CACHD1: variants seen among roughly 807,000 people sequenced by gnomAD.
CACHD1 encodes the protein VWFA and cache domain-containing protein 1.
A neutral mutation model predicts 138.7 loss-of-function variants in CACHD1; 71 were observed. The observed-to-expected ratio is 0.51, with a 90% CI of 0.42 to 0.62. The LOEUF (loss-of-function observed/expected upper bound fraction) is 0.62, where lower values mean the gene tolerates loss of function less well. Among genes scored for constraint, CACHD1 ranks in the 20% least tolerant of loss-of-function variants. The pLI is 0.00. For synonymous variants in CACHD1, 578 were observed against 591.5 expected, an observed-to-expected ratio of 0.98 and a Z score of 0.33; for missense variants, 1,389 against 1,625.3, an observed-to-expected ratio of 0.85 and a Z score of 2.50.
At chr1:64,498,325 A>T (rs192827841) in intron 1 of CACHD1, among the ~76,000 whole-genome samples, 81 of 152,256 alleles carry the variant, frequency 5.3e-4, no homozygotes, top group African/African-American at 1.9e-3. Context: ...TATTAGAACT[A>T]CTTATTCTCT....
chr1:64,652,290 C>T lies in CACHD1; in HGVS notation c.1520C>T (p.Thr507Ile). 6.2e-7 allele frequency: 1 copy of T among 1,609,160 alleles called. No individual in the cohort carries two copies. The highest frequency in any genetic ancestry group is 8.5e-7 in the Non-Finnish European group (1 of 1,178,634). The stretch of plus-strand genomic sequence containing the variant: ...TACCAAGACTCTTTGGCTTCCTATA[C>T]TTTTCTCATAGACGACAAAGGTAAT... Reference protein sequence around the residue: ...TYYQDSLASYTFLIDDKGYTL... With the variant: ...TYYQDSLASYIFLIDDKGYTL... Residue 507 changes from threonine (T) to isoleucine (I), a missense_variant, in exon 10 of 27, where the codon ACT becomes ATT. Transcript: ENST00000651257.
chr1:64,503,050 G>A (rs886097345), intron 1 of CACHD1, among the ~76,000 whole-genome samples: 11 of 152,074 alleles, frequency 7.2e-5, no homozygotes, highest in African/African-American at 7.2e-5. Flanking sequence ...TGATAGAGCC[G>A]AACTTTTTTT....
intron 4 of CACHD1, among the ~76,000 whole-genome samples, chr1:64,609,858 G>GT (rs1647466577): frequency 6.6e-6 from 1 of 152,016 alleles, no homozygotes; most frequent in Admixed American, 6.5e-5. Context: ...TAGACATATT[G>GT]TATTAGTCCA....
chr1:64,679,362 C>T (rs2100733463), intron 23 of CACHD1, among the ~76,000 whole-genome samples: 1 of 152,350 alleles, frequency 6.6e-6, no homozygotes, highest in African/African-American at 2.4e-5. Flanking sequence ...GCAGTCCTTG[C>T]CATTTGTGCT....
chr1:64,577,613 G>C (rs1646978615), intron 2 of CACHD1, among the ~76,000 whole-genome samples: 1 of 152,180 alleles, frequency 6.6e-6, no homozygotes, highest in African/African-American at 2.4e-5. Flanking sequence ...CTGGAAAATG[G>C]AAGTGTGCAC....
intron 1 of CACHD1, among the ~76,000 whole-genome samples, chr1:64,523,929 C>G (rs1557474914): frequency 6.6e-6 from 1 of 151,344 alleles, no homozygotes; most frequent in African/African-American, 2.4e-5. Context: ...GTAGATGAGT[C>G]TTTATTTATC....
chr1:64,500,874 C>T (rs1409614698), intron 1 of CACHD1, among the ~76,000 whole-genome samples: 1 of 151,600 alleles, frequency 6.6e-6, no homozygotes, highest in African/African-American at 2.4e-5. Flanking sequence ...ATGGTGAAAC[C>T]CCGTCTCTAC....
At chr1:64,515,060 A>G (rs305568) in intron 1 of CACHD1, among the ~76,000 whole-genome samples, 11,940 of 152,216 alleles carry the variant, frequency 0.078, 562 homozygotes, top group East Asian at 0.16. Flanking sequence ...TACTGCATAC[A>G]GTATTGGATT....
chr1:64,678,176 T>A lies in CACHD1; in HGVS notation c.3110T>A (p.Leu1037Gln), dbSNP rs1286251138. Residue 1037 changes from leucine (L) to glutamine (Q), a missense_variant, in exon 23 of 27, where the codon CTG (leucine) becomes CAG (glutamine). Physicochemically the swap from Leu to Gln is moderately radical, Grantham distance 113. Around this residue, in one of 5 missense-constraint regions of CACHD1, gnomAD observed 250 missense variants for 292.9 expected, o/e 0.85. Coordinates refer to ENST00000651257, the MANE Select transcript of CACHD1 (RefSeq NM_020925.4). The stretch of plus-strand genomic sequence containing the variant: ...TCTGGCAGGGACTGTTTTGGGGTGC[T>A]GGATTGTGAATGGTGCATGGTGGAC... Reference protein sequence around the residue: ...RLESGDCFGVLDCEWCMVDSD... With the variant: ...RLESGDCFGVQDCEWCMVDSD... 6.2e-7 allele frequency: 1 copy of A among 1,611,872 alleles called. No homozygotes were observed. The highest frequency in any genetic ancestry group is 1.7e-5 in the Admixed American group (1 of 59,622).
chr1:64,585,961 T>C (rs1337587693), intron 3 of CACHD1, among the ~76,000 whole-genome samples: 1 of 152,082 alleles, frequency 6.6e-6, no homozygotes, highest in Non-Finnish European at 1.5e-5. Context: ...TGAACAAGGG[T>C]ACAAATTCTC....
Position 64,671,707 on chromosome 1 carries a change from A to G in CACHD1, c.2510+21A>G, listed in dbSNP as rs1289556028. ...ATAAGGTAAGTGCTTTGGGGATGCT[A>G]TTTCCTTTCTAGCTGCAGTTTAAAA... On this transcript the variant is annotated intron_variant, in intron 17 of 26. Coordinates refer to ENST00000651257, the MANE Select transcript of CACHD1 (RefSeq NM_020925.4). The G allele has an allele frequency of 2.5e-6, 4 of 1,613,566 alleles. No individual in the cohort carries two copies. In the African/African-American group the frequency reaches 5.3e-5, roughly 22 times the overall value.
chr1:64,492,848 A>T (rs1335846675), intron 1 of CACHD1, among the ~76,000 whole-genome samples: 1 of 152,202 alleles, frequency 6.6e-6, no homozygotes, highest in African/African-American at 2.4e-5. Flanking sequence ...TTCAGCTCTG[A>T]CATAGCCTTC....
At chr1:64,504,093 A>G (rs963234049) in intron 1 of CACHD1, among the ~76,000 whole-genome samples, 2 of 152,174 alleles carry the variant, frequency 1.3e-5, no homozygotes, top group African/African-American at 2.4e-5. Context: ...CAGTGGTGCA[A>G]TTATGGCTCA....
At chr1:64,629,563 A>C in intron 5 of CACHD1, 82 bp downstream of exon 5, 1 of 1,473,444 alleles carries the variant, frequency 6.8e-7, no homozygotes, top group Non-Finnish European at 9.2e-7. Flanking sequence ...ATTTCTACTC[A>C]TGGCTATGCC....
At chr1:64,492,689 A>G (rs769749472) in intron 1 of CACHD1, among the ~76,000 whole-genome samples, 1 of 152,156 alleles carries the variant, frequency 6.6e-6, no homozygotes, top group African/African-American at 2.4e-5. Flanking sequence ...CAGCACCGCC[A>G]CTGGGACTGC....
At chr1:64,493,382 T>G (rs1646289190) in intron 1 of CACHD1, among the ~76,000 whole-genome samples, 1 of 152,214 alleles carries the variant, frequency 6.6e-6, no homozygotes, top group African/African-American at 2.4e-5. Flanking sequence ...TTAATAAATA[T>G]ATAGTCGAGC....
intron 1 of CACHD1, among the ~76,000 whole-genome samples, chr1:64,486,369 T>TACAC (rs3078376): frequency 0.023 from 3,303 of 145,100 alleles, 49 homozygotes; most frequent in Admixed American, 0.032. Context: ...CACACACACA[T>TACAC]ACACACACAC....
chr1:64,567,484 C>T lies in CACHD1; in HGVS notation c.262-14672C>T, dbSNP rs539321165. Among the ~76,000 whole-genome samples the T allele has an allele frequency of 9.2e-5, 14 of 152,192 alleles. 1 individual carries two copies. The highest frequency in any genetic ancestry group is 3.1e-4 in the African/African-American group (13 of 41,518). Reference sequence around the variant, plus strand: ...ATAGTTTGTATTCATTTAACAAACACTGCTTCACATAAGTCATCCCATTAA... The same window carrying T: ...ATAGTTTGTATTCATTTAACAAACATTGCTTCACATAAGTCATCCCATTAA... On this transcript the variant is annotated intron_variant, in intron 2 of 26. Transcript: ENST00000651257.
chr1:64,689,613 C>G (rs906751787), intron 26 of CACHD1, among the ~76,000 whole-genome samples: 2 of 152,130 alleles, frequency 1.3e-5, no homozygotes, highest in African/African-American at 4.8e-5. Context: ...CTTGTGTGGT[C>G]TCTCCATTTG....
Sources: allele counts gnomAD v4.1 joint callset (sites outside exome capture counted in the v4.1 genomes callset), GRCh38; gene constraint gnomAD v4.1.1; regional missense constraint gnomAD v4.1.1; transcripts MANE v1.5; gene names NCBI Gene and HGNC (gene_info 2026-07-23, HGNC 2026-07-21).